C2CD2L: variants seen among roughly 807,000 people sequenced by gnomAD.
The protein encoded by C2CD2L is C2CD2 like, also known as phospholipid transfer protein C2CD2L.
C2CD2L carries 24 observed loss-of-function variants against 69.9 expected under a neutral mutation model. The ratio of observed to expected loss-of-function variants is 0.34; its 90% confidence interval spans 0.25 to 0.48. C2CD2L has a LOEUF of 0.48. Among genes scored for constraint, C2CD2L ranks in the 20% least tolerant of loss-of-function variants. The pLI is 0.99. For missense variants in C2CD2L, 811 were observed against 941.5 expected, an observed-to-expected ratio of 0.86 and a Z score of 1.81; for synonymous variants, 367 against 391.0, an observed-to-expected ratio of 0.94 and a Z score of 0.72.
chr11:119,116,103 A>G lies in C2CD2L; in HGVS notation c.1968A>G (p.Glu656=). Residue 656 remains glutamate (E), a synonymous_variant, in exon 14 of 14, where the codon GAA becomes GAG. Coordinates refer to ENST00000648610, the MANE Select transcript of C2CD2L (RefSeq NM_001290474.2). ...TCCGCCGGAGGCCTAGGCAGAAGGAAGCTGGCCTGAGCCAATCACACGATG... is the reference window on the plus strand; with the variant it reads ...TCCGCCGGAGGCCTAGGCAGAAGGAGGCTGGCCTGAGCCAATCACACGATG... ...LIFRRRPRQK[E]AGLSQSHDDL... The G allele has an allele frequency of 6.2e-7, 1 of 1,614,170 alleles. No homozygotes were observed.
At position 119,116,558 on chromosome 11, in the gene C2CD2L, G is replaced by A; in HGVS notation, c.*302G>A. 3.9e-6 allele frequency: 2 copies of A among 514,360 alleles called. No individual in the cohort carries two copies. Among genetic ancestry groups the A allele is most frequent in the South Asian group, 2.5e-5 (1 of 40,604 alleles). 31.9% of individuals were successfully genotyped at this position (514,360 alleles called of 1,614,324 possible). A position where few individuals can be genotyped will look rare whatever the true frequency, so the allele number is the denominator to read the frequency against. On this transcript the variant is annotated 3_prime_UTR_variant, in exon 14 of 14. Coordinates refer to ENST00000648610, the MANE Select transcript of C2CD2L (RefSeq NM_001290474.2). ...CTCCTGCTGAGCCTGGTCCCTGAGC[G>A]GAGTCCCAGGGTGCTCAGCTCTTCA...
At position 119,111,590 on chromosome 11, in the gene C2CD2L, G is replaced by A. The variant is rs1272433339; in HGVS notation, c.980G>A (p.Arg327Lys). 5 of 1,613,986 alleles carry A rather than the reference G, an allele frequency of 3.1e-6. No individual in the cohort carries two copies. The African/African-American group carries it at 6.7e-5, about 22-fold the overall frequency. Residue 327 changes from arginine to lysine, a missense_variant, in exon 7 of 14, where the codon AGG becomes AAG. Physicochemically the swap from Arg to Lys is conservative, Grantham distance 26. Coordinates refer to ENST00000648610, the MANE Select transcript of C2CD2L (RefSeq NM_001290474.2). The part of the protein sequence containing the change: ...PMQQKWTKPA[R>K]AGSEVEWTED... ...CAGCAGAAGTGGACCAAGCCCGCGA[G>A]GGCTGGATCCGAGGTGGAGTGGACA...
rs772392487 is a variant in C2CD2L at position 119,107,978 on chromosome 11, C to A, written c.237C>A (p.Ala79=). The change falls in exon 1 of 14, where the codon GCC becomes GCA. Residue 79 remains alanine (A), a synonymous_variant. Transcript: ENST00000648610. The surrounding 1 kb of genome is among the most constrained non-coding windows in gnomAD (Gnocchi z 5.4). ...LLRLRATRAG[A]AEEPGVRGLL... is the part of the protein sequence containing the mutation. Reference sequence around the variant, plus strand: ...GGCTGCGGGCGACTCGGGCTGGCGCCGCCGAGGAGCCAGGAGTCCGGGGCC... The same window carrying A: ...GGCTGCGGGCGACTCGGGCTGGCGCAGCCGAGGAGCCAGGAGTCCGGGGCC... 1.3e-6 allele frequency: 2 copies of A among 1,556,838 alleles called. No homozygotes were observed. The highest frequency in any genetic ancestry group is 1.2e-5 in the South Asian group (1 of 86,054).
intron 1 of C2CD2L, among the ~76,000 whole-genome samples, chr11:119,108,647 C>A (rs888594077): frequency 6.6e-6 from 1 of 152,156 alleles, no homozygotes; most frequent in African/African-American, 2.4e-5. Context: ...ATTGACAGTG[C>A]CCCTACCAGT....
In C2CD2L at chr11:119,117,861, G is replaced by A. The variant is rs1946929287; in HGVS notation, c.*1605G>A. On this transcript the variant is annotated 3_prime_UTR_variant, in exon 14 of 14. Transcript: ENST00000648610. ...TCTTGAGCAGGCAACTTCTCCTTTG[G>A]GGACCTCAGTTTCCTCATATCTAAA... is the stretch of plus-strand genomic sequence containing the variant. 6.6e-6 allele frequency: 1 copy of A among 152,076 alleles called. No homozygotes were observed. Among genetic ancestry groups the A allele is most frequent in the African/African-American group, 2.4e-5 (1 of 41,404 alleles). 9.4% of individuals were successfully genotyped at this position (152,076 alleles called of 1,614,324 possible).
At position 119,112,577 on chromosome 11, in the gene C2CD2L, G is replaced by A; in HGVS notation, c.1180G>A (p.Ala394Thr). 1 of 1,612,028 alleles carries A rather than the reference G, an allele frequency of 6.2e-7. No individual in the cohort carries two copies. ...CCCACTCACCCCAGGGCCAGGGAAA[G>A]CCCTGGGACCAGCAGCCACCATGGC... is the stretch of plus-strand genomic sequence containing the variant. ...LCPLTPGPGK[A>T]LGPAATMAVE... Residue 394 changes from alanine to threonine, a missense_variant, in exon 9 of 14, where the codon GCC becomes ACC. Transcript: ENST00000648610.
rs371781479 is a variant in C2CD2L at position 119,110,717 on chromosome 11, C to A, written c.570+37C>A. The A allele has an allele frequency of 3.5e-5, 57 of 1,611,824 alleles. 1 individual carries two copies. In the African/African-American group the frequency reaches 6.0e-4, roughly 17 times the overall value. ...TGTGGGAAACTGAGTTGGGCAGGGG[C>A]GGTTCCATTGGCTCAGCTTCTTCCA... On this transcript the variant is annotated intron_variant, in intron 3 of 13. Transcript: ENST00000648610. This position sits in a 1 kb window ranked among gnomAD's most constrained non-coding sequence, Gnocchi z 5.7.
At position 119,110,042 on chromosome 11, in the gene C2CD2L, C is replaced by A; in HGVS notation, c.355-62C>A. On this transcript the variant is annotated intron_variant, in intron 1 of 13. Coordinates refer to ENST00000648610, the MANE Select transcript of C2CD2L (RefSeq NM_001290474.2). The surrounding 1 kb of genome is among the most constrained non-coding windows in gnomAD (Gnocchi z 5.7). ...TGGCAGAGTCCAGCCAGCAACTGAG[C>A]AGGCCAACCCTGTGGGGGGCAGCTC... 1 of 1,226,428 alleles carries A rather than the reference C, an allele frequency of 8.2e-7. No homozygotes were observed. Among genetic ancestry groups the A allele is most frequent in the Non-Finnish European group, 1.2e-6 (1 of 827,948 alleles). The allele number at this position is 1,226,428 out of a possible 1,614,324, so 76.0% of individuals were successfully genotyped here.
chr11:119,113,622 C>G lies in C2CD2L; in HGVS notation c.1399C>G (p.Arg467Gly). 6.2e-7 allele frequency: 1 copy of G among 1,613,434 alleles called. No individual in the cohort carries two copies. The highest frequency in any genetic ancestry group is 8.5e-7 in the Non-Finnish European group (1 of 1,179,630). The change falls in exon 11 of 14, where the codon CGC becomes GGC. Residue 467 changes from arginine (R) to glycine (G), a missense_variant. By Grantham distance (125) the Arg-to-Gly change is moderately radical. Coordinates refer to ENST00000648610, the MANE Select transcript of C2CD2L (RefSeq NM_001290474.2). ...CCCCCACCCACCAGACTCCCCCTCC[C>G]GCTCCCCGTCCAAGGTGGAGGTGAC... Reference protein sequence around the residue: ...RIDGKLDSPSRSPSKVEVTEK... With the variant: ...RIDGKLDSPSGSPSKVEVTEK...
At chr11:119,111,436 C>A in intron 6 of C2CD2L, 62 bp downstream of exon 6, 1 of 1,579,820 alleles carries the variant, frequency 6.3e-7, no homozygotes, top group Non-Finnish European at 8.7e-7. Context: ...TGCTCTCTGC[C>A]CCTCTGCCAA....
At chr11:119,105,125 T>C (rs892464348), upstream of C2CD2L, among the ~76,000 whole-genome samples, 20 of 152,260 alleles carry the variant, frequency 1.3e-4, no homozygotes, top group African/African-American at 4.6e-4. Context: ...TCTTCAGTAC[T>C]GTGGAGGATA....
chr11:119,111,570 G>T lies in C2CD2L; in HGVS notation c.960G>T (p.Gln320His). 1 of 1,614,214 alleles carries T rather than the reference G, an allele frequency of 6.2e-7. No individual in the cohort carries two copies. Among genetic ancestry groups the T allele is most frequent in the Non-Finnish European group, 8.5e-7 (1 of 1,180,050 alleles). Residue 320 changes from glutamine (Q) to histidine (H), a missense_variant, in exon 7 of 14, where the codon CAG (glutamine) becomes CAT (histidine). Physicochemically the swap from Gln to His is conservative, Grantham distance 24 (BLOSUM62 0). Transcript: ENST00000648610. ...CVAELDNPMQQKWTKPARAGS... is the reference protein window; with the variant it reads ...CVAELDNPMQHKWTKPARAGS... Reference sequence around the variant, plus strand: ...CTGAACTCGACAACCCCATGCAGCAGAAGTGGACCAAGCCCGCGAGGGCTG... The same window carrying T: ...CTGAACTCGACAACCCCATGCAGCATAAGTGGACCAAGCCCGCGAGGGCTG...
chr11:119,108,683 G>A (rs1188858168), intron 1 of C2CD2L, among the ~76,000 whole-genome samples: 1 of 152,192 alleles, frequency 6.6e-6, no homozygotes, highest in Non-Finnish European at 1.5e-5. Flanking sequence ...TGCCCCTTGA[G>A]GGTCAGTCAC....
rs1442313005 is a variant in C2CD2L, at chr11:119,118,464, G to A, written c.*2208G>A. The A allele has an allele frequency of 2.0e-5, 3 of 152,318 alleles. No homozygotes were observed. The highest frequency in any genetic ancestry group is 7.2e-5 in the African/African-American group (3 of 41,458). 9.4% of individuals were successfully genotyped at this position (152,318 alleles called of 1,614,324 possible). ...GGCTGAGTAGTATTCCACTGTGTGT[G>A]TGTGTGTTGGGCGATGATAATGATG... is the stretch of plus-strand genomic sequence containing the variant. On this transcript the variant is annotated 3_prime_UTR_variant, in exon 14 of 14. Transcript: ENST00000648610.
At chr11:119,113,274 C>G (rs1946798073) in intron 10 of C2CD2L, 1 of 387,056 alleles carries the variant, frequency 2.6e-6, no homozygotes, top group Non-Finnish European at 4.7e-6. Context: ...GCATTTCTAC[C>G]CCACTCAGTG....
At position 119,111,613 on chromosome 11, in the gene C2CD2L, A is replaced by G; in HGVS notation, c.1003A>G (p.Thr335Ala). ...GAGGGCTGGATCCGAGGTGGAGTGG[A>G]CAGAAGACCTGGCACTGTAAGGAGT... ...PARAGSEVEWTEDLALDLGPQ... is the reference protein window; with the variant it reads ...PARAGSEVEWAEDLALDLGPQ... The change falls in exon 7 of 14, where the codon ACA becomes GCA. Residue 335 changes from threonine (T) to alanine (A), a missense_variant. By Grantham distance (58) the Thr-to-Ala change is moderately conservative (BLOSUM62 0). Coordinates refer to ENST00000648610, the MANE Select transcript of C2CD2L (RefSeq NM_001290474.2). 6.2e-7 allele frequency: 1 copy of G among 1,613,190 alleles called. No individual in the cohort carries two copies. The highest frequency in any genetic ancestry group is 8.5e-7 in the Non-Finnish European group (1 of 1,179,450).
At chr11:119,102,269 C>A (rs1262447855), upstream of C2CD2L, 3 of 479,000 alleles carry the variant, frequency 6.3e-6, no homozygotes, top group Non-Finnish European at 1.3e-5. Context: ...GCCTCCGGCT[C>A]CAGGAAGATG....
chr11:119,107,998 G>C lies in C2CD2L; in HGVS notation c.257G>C (p.Arg86Pro). The change falls in exon 1 of 14, where the codon CGG becomes CCG. Residue 86 changes from arginine to proline, a missense_variant. Transcript: ENST00000648610. This position sits in a 1 kb window ranked among gnomAD's most constrained non-coding sequence, Gnocchi z 5.4. ...GGCGCCGCCGAGGAGCCAGGAGTCC[G>C]GGGCCTCCTGGCGTCACTCTTCGCC... is the stretch of plus-strand genomic sequence containing the variant. ...RAGAAEEPGVRGLLASLFAFK... is the reference protein window; with the variant it reads ...RAGAAEEPGVPGLLASLFAFK... 1 of 1,582,600 alleles carries C rather than the reference G, an allele frequency of 6.3e-7. No homozygotes were observed. The highest frequency in any genetic ancestry group is 8.6e-7 in the Non-Finnish European group (1 of 1,167,842).
At position 119,111,334 on chromosome 11, in the gene C2CD2L, A is replaced by G. The variant is rs1216898836; in HGVS notation, c.870A>G (p.Leu290=). The part of the protein sequence containing the change: ...PAIPRPNRLF[L]RQLRASHLGN... Reference sequence around the variant, plus strand: ...TCCCCAGACCTAACCGGTTATTCCTACGGCAGCTTCGGGCATCTCACTTGG... The same window carrying G: ...TCCCCAGACCTAACCGGTTATTCCTGCGGCAGCTTCGGGCATCTCACTTGG... The change falls in exon 6 of 14, where the codon CTA becomes CTG. Residue 290 remains leucine, a synonymous_variant. Coordinates refer to ENST00000648610, the MANE Select transcript of C2CD2L (RefSeq NM_001290474.2). The G allele has an allele frequency of 6.2e-7, 1 of 1,614,068 alleles. No homozygotes were observed. The highest frequency in any genetic ancestry group is 1.3e-5 in the African/African-American group (1 of 74,924).
Sources: allele counts gnomAD v4.1 joint callset (sites outside exome capture counted in the v4.1 genomes callset), GRCh38; gene constraint gnomAD v4.1.1; non-coding constraint Gnocchi (gnomAD v3.1); transcripts MANE v1.5; gene names NCBI Gene and HGNC (gene_info 2026-07-23, HGNC 2026-07-21).